ANKRD30B: variants seen among roughly 807,000 people sequenced by gnomAD.
ANKRD30B encodes the protein ankyrin repeat domain 30B.
A neutral mutation model predicts 202.2 loss-of-function variants in ANKRD30B; 144 were observed. That is an observed-to-expected ratio of 0.71 (90% CI 0.62 to 0.82). The LOEUF is 0.82. Ranked by LOEUF, ANKRD30B falls within the 40% of genes least tolerant of loss-of-function variation. ANKRD30B has a pLI of 0.00. For missense variants in ANKRD30B, 1,487 were observed against 1,669.1 expected (o/e 0.89, Z 1.90); for synonymous variants, 508 against 561.3 (o/e 0.91, Z 1.34).
chr18:14,864,361 C>A, the ANKRD30B span, among the ~76,000 whole-genome samples: 12 of 152,024 alleles, frequency 7.9e-5, no homozygotes, highest in East Asian at 1.9e-4. Flanking sequence ...CCAAACCAAA[C>A]CAAAACAAAA....
At chr18:14,773,385 A>G (rs1351453748) in intron 9 of ANKRD30B, among the ~76,000 whole-genome samples, 1 of 152,204 alleles carries the variant, frequency 6.6e-6, no homozygotes, top group Admixed American at 6.5e-5. Context: ...TTCAATGTGA[A>G]TAAATAAGCT....
chr18:14,847,084 A>G (rs867389878), intron 39 of ANKRD30B, among the ~76,000 whole-genome samples: 1 of 65,236 alleles, frequency 1.5e-5, no homozygotes, highest in Non-Finnish European at 3.2e-5. Flanking sequence ...ATATATATAT[A>G]TATATATATG....
the ANKRD30B span, among the ~76,000 whole-genome samples, chr18:14,870,753 C>A: frequency 6.6e-6 from 1 of 152,112 alleles, no homozygotes; most frequent in Non-Finnish European, 1.5e-5. Flanking sequence ...TGAAAGACCT[C>A]CCTGATTGAT....
chr18:14,932,389 T>C, the ANKRD30B span, among the ~76,000 whole-genome samples: 3 of 151,912 alleles, frequency 2.0e-5, no homozygotes, highest in Non-Finnish European at 4.4e-5. Context: ...CAGGCTGGAG[T>C]GGCGTGGCGC....
the ANKRD30B span, among the ~76,000 whole-genome samples, chr18:14,871,137 A>G: frequency 1.2e-5 from 1 of 81,492 alleles, no homozygotes; most frequent in Non-Finnish European, 2.4e-5. Context: ...ACCCTCACCC[A>G]CACACCCCCA....
chr18:14,760,935 G>A (rs1915159417), intron 6 of ANKRD30B, among the ~76,000 whole-genome samples: 1 of 152,036 alleles, frequency 6.6e-6, no homozygotes, highest in Admixed American at 6.6e-5. Context: ...TTTTAAGTTT[G>A]TATATTGTTT....
rs1388247072 is a variant in ANKRD30B, at chr18:14,791,478, T to C, written c.1812T>C (p.Ser604=). The part of the protein sequence containing the change: ...ATHQKEFDTL[S]GKLEESPVKD... ...ATCAAAAAGAATTCGATACCTTAAG[T>C]GGAAAATTAGAAGGTAAGAACCATT... Residue 604 remains serine (S), a synonymous_variant, in exon 16 of 44, where the codon AGT becomes AGC. Transcript: ENST00000690538. 3.7e-5 allele frequency: 60 copies of C among 1,608,414 alleles called. 1 individual carries two copies. The highest frequency in any genetic ancestry group is 4.9e-5 in the Non-Finnish European group (58 of 1,177,904).
Position 14,799,159 on chromosome 18 carries a change from A to G in ANKRD30B, c.2058+30A>G, listed in dbSNP as rs749718383. On this transcript the variant is annotated intron_variant, in intron 21 of 43. Coordinates refer to ENST00000690538, the MANE Select transcript of ANKRD30B (RefSeq NM_001367607.2). ...TAACTTTTATATTTTTATCTTGAAT[A>G]TTACCTACATATTTTATGAAGTATA... 1.9e-6 allele frequency: 3 copies of G among 1,589,704 alleles called. No individual in the cohort carries two copies. In the African/African-American group the frequency reaches 4.0e-5, roughly 21 times the overall value.
chr18:14,870,122 C>A, the ANKRD30B span, among the ~76,000 whole-genome samples: 1 of 152,194 alleles, frequency 6.6e-6, no homozygotes, highest in Non-Finnish European at 1.5e-5. Context: ...AGGAGTGAGC[C>A]ACCACGCGAA....
At chr18:14,915,484 C>G in the ANKRD30B span, 6 of 152,200 alleles carry the variant, frequency 3.9e-5, no homozygotes, top group African/African-American at 1.4e-4. Flanking sequence ...TTAACATGAG[C>G]CTTATGAGGA....
At chr18:14,821,950 A>C (rs1175499204) in intron 30 of ANKRD30B, among the ~76,000 whole-genome samples, 1 of 152,230 alleles carries the variant, frequency 6.6e-6, no homozygotes, top group Non-Finnish European at 1.5e-5. Flanking sequence ...CATTCTCTGC[A>C]ATGATAAGTA....
chr18:14,774,139 A>G (rs1414520015), intron 9 of ANKRD30B, among the ~76,000 whole-genome samples: 2 of 152,096 alleles, frequency 1.3e-5, no homozygotes, highest in Non-Finnish European at 2.9e-5. Context: ...TGAATGTCTT[A>G]TTATATAATA....
chr18:14,808,772 T>C lies in ANKRD30B; in HGVS notation c.2386+28T>C, dbSNP rs904600733. On this transcript the variant is annotated intron_variant, in intron 26 of 43. Coordinates refer to ENST00000690538, the MANE Select transcript of ANKRD30B (RefSeq NM_001367607.2). The stretch of plus-strand genomic sequence containing the variant: ...AAATTTTGTAATTTAAATTTTAATC[T>C]GGAATTAAGAATATTAAACTATTTG... 4.2e-6 allele frequency: 6 copies of C among 1,413,126 alleles called. No homozygotes were observed. The African/African-American group carries it at 8.8e-5, about 21-fold the overall frequency. The allele number at this position is 1,413,126 out of a possible 1,614,324, so 87.5% of individuals were successfully genotyped here.
chr18:14,892,427 A>G, the ANKRD30B span, among the ~76,000 whole-genome samples: 5 of 151,404 alleles, frequency 3.3e-5, no homozygotes, highest in Non-Finnish European at 7.4e-5. Context: ...ATTGCCCACT[A>G]TTTCTTTACT....
At chr18:14,866,599 C>T in the ANKRD30B span, among the ~76,000 whole-genome samples, 7 of 152,180 alleles carry the variant, frequency 4.6e-5, no homozygotes, top group South Asian at 4.1e-4. Flanking sequence ...GTGGTGGCAA[C>T]GGAGACTGCA....
chr18:14,766,243 T>A (rs1256137502), intron 7 of ANKRD30B, among the ~76,000 whole-genome samples: 2 of 150,670 alleles, frequency 1.3e-5, no homozygotes, highest in Non-Finnish European at 3.0e-5. Context: ...GAGGCCAAGG[T>A]GGGCAGATCA....
the ANKRD30B span, among the ~76,000 whole-genome samples, chr18:14,940,511 T>G: frequency 2.0e-5 from 3 of 152,210 alleles, no homozygotes; most frequent in South Asian, 2.1e-4. Context: ...CAAATGTTCA[T>G]CCAGCCAGGT....
At chr18:14,921,482 GC>G in the ANKRD30B span, among the ~76,000 whole-genome samples, 1 of 152,158 alleles carries the variant, frequency 6.6e-6, no homozygotes, top group Non-Finnish European at 1.5e-5. Context: ...GTGTCACGAG[GC>G]CCCACCCTGT....
chr18:14,798,610 G>A (rs563605150), intron 20 of ANKRD30B, among the ~76,000 whole-genome samples: 424 of 152,180 alleles, frequency 2.8e-3, no homozygotes, highest in South Asian at 5.2e-3. Flanking sequence ...AGATGAGGGC[G>A]TTCATAGCAC....
Sources: allele counts gnomAD v4.1 joint callset (sites outside exome capture counted in the v4.1 genomes callset), GRCh38; gene constraint gnomAD v4.1.1; transcripts MANE v1.5; gene names NCBI Gene and HGNC (gene_info 2026-07-23, HGNC 2026-07-21).